SBF2: variants seen among roughly 807,000 people sequenced by gnomAD.
SBF2 encodes the protein myotubularin-related protein 13.
A neutral mutation model predicts 225.2 loss-of-function variants in SBF2; 112 were observed. The ratio of observed to expected loss-of-function variants is 0.50; its 90% CI spans 0.43 to 0.58. The LOEUF is 0.58. SBF2 is among the 20% of genes least tolerant of loss of function. The pLI is 0.00. For synonymous variants in SBF2, 763 were observed against 773.3 expected (o/e 0.99, Z 0.22); for missense variants, 1,996 against 2,206.2 (o/e 0.90, Z 1.91).
chr11:9,791,913 G>GTAAT (rs1213113620), intron 33 of SBF2, among the ~76,000 whole-genome samples: 2 of 152,170 alleles, frequency 1.3e-5, no homozygotes, highest in African/African-American at 2.4e-5. Flanking sequence ...GTAACATCTT[G>GTAAT]TAATTGGAAC....
intron 25 of SBF2, among the ~76,000 whole-genome samples, chr11:9,841,529 A>C (rs1425842559): frequency 3.2e-5 from 3 of 92,630 alleles, no homozygotes; most frequent in Non-Finnish European, 6.9e-5. Context: ...AAAACCACAT[A>C]GGTTCTTTTT....
At chr11:9,905,641 T>A in intron 16 of SBF2, among the ~76,000 whole-genome samples, 1 of 152,226 alleles carries the variant, frequency 6.6e-6, no homozygotes, top group South Asian at 2.1e-4. Flanking sequence ...TGTTCTTTTA[T>A]GATGTCTCTG....
chr11:10,238,102 A>G (rs189880192), intron 1 of SBF2, among the ~76,000 whole-genome samples: 1 of 152,286 alleles, frequency 6.6e-6, no homozygotes, highest in Admixed American at 6.5e-5. Context: ...GAAAGAATAA[A>G]AGGATTCAAA....
In SBF2 at chr11:10,031,101, C is replaced by T. The variant is rs201036502; in HGVS notation, c.349G>A (p.Ala117Thr). 2 of 1,613,394 alleles carry T rather than the reference C, an allele frequency of 1.2e-6. No homozygotes were observed. Among genetic ancestry groups the T allele is most frequent in the African/African-American group, 2.7e-5 (2 of 74,890 alleles). ...GATACCAACACCAGGCTTTTGGGAG[C>T]AAACACTTCTGCAGGCTGAATTAAA... ...SGLIQPAEVF[A>T]PKSLVLVSRL... Residue 117 changes from alanine to threonine, a missense_variant, in exon 4 of 40, where the codon GCT becomes ACT. Transcript: ENST00000256190.
chr11:10,004,591 A>AAAC (rs1218033308), intron 6 of SBF2, among the ~76,000 whole-genome samples: 4 of 149,164 alleles, frequency 2.7e-5, no homozygotes, highest in Non-Finnish European at 4.5e-5. Context: ...AAAAAAAAAA[A>AAAC]AAAACAAACT....
chr11:10,042,415 C>T (rs148207421), intron 3 of SBF2, among the ~76,000 whole-genome samples: 1 of 152,164 alleles, frequency 6.6e-6, no homozygotes, highest in East Asian at 1.9e-4. Context: ...GTTGATAATA[C>T]CACCCCTAAG....
At chr11:9,933,429 T>C (rs925411471) in intron 16 of SBF2, among the ~76,000 whole-genome samples, 1 of 152,208 alleles carries the variant, frequency 6.6e-6, no homozygotes, top group Admixed American at 6.5e-5. Context: ...CCTCAGCAAA[T>C]GTAAAAGAAC....
At chr11:10,198,604 G>C (rs900623021) in intron 1 of SBF2, among the ~76,000 whole-genome samples, 2 of 152,194 alleles carry the variant, frequency 1.3e-5, no homozygotes, top group East Asian at 3.8e-4. Context: ...CCTGTTCTTT[G>C]AAGCCAAGCA....
intron 29 of SBF2, among the ~76,000 whole-genome samples, chr11:9,813,990 A>C (rs1854330478): frequency 6.6e-6 from 1 of 152,152 alleles, no homozygotes. Context: ...GTTCATTTCT[A>C]TCTTTGGGAT....
Position 9,853,975 on chromosome 11 carries a change from C to T in SBF2, c.2364-263G>A, listed in dbSNP as rs965391659. Among the ~76,000 whole-genome samples, 3 of 152,092 alleles carry T rather than the reference C, an allele frequency of 2.0e-5. No homozygotes were observed. The East Asian group carries it at 5.8e-4, about 29-fold the overall frequency. On this transcript the variant is annotated intron_variant, in intron 19 of 39. Coordinates refer to ENST00000256190, the MANE Select transcript of SBF2 (RefSeq NM_030962.4). ...CCAGATTTGTTTCTGTAAGGAATAC[C>T]TTTAGTCACTCTCCCAAAAGGAATG...
chr11:10,062,489 A>G (rs999500544), intron 2 of SBF2, among the ~76,000 whole-genome samples: 2 of 152,200 alleles, frequency 1.3e-5, no homozygotes, highest in African/African-American at 4.8e-5. Flanking sequence ...AAACAAATTT[A>G]TAAGAGAAGA....
chr11:10,107,575 G>C (rs1952609018), intron 2 of SBF2, among the ~76,000 whole-genome samples: 1 of 152,030 alleles, frequency 6.6e-6, no homozygotes, highest in South Asian at 2.1e-4. Context: ...TCAAAGTGTT[G>C]GCAGGATTGG....
At chr11:10,105,884 G>C (rs7131546) in intron 2 of SBF2, among the ~76,000 whole-genome samples, 16,600 of 152,260 alleles carry the variant, frequency 0.11, 1,054 homozygotes, top group Non-Finnish European at 0.12. Context: ...GCTGACAGAG[G>C]GAGGTGCATG....
At chr11:9,883,490 T>C (rs549023181) in intron 17 of SBF2, among the ~76,000 whole-genome samples, 81 of 152,282 alleles carry the variant, frequency 5.3e-4, no homozygotes, top group African/African-American at 1.7e-3. Flanking sequence ...GGTTCTGAAA[T>C]CAGACTAACT....
At chr11:9,997,480 T>C (rs1040103472) in intron 9 of SBF2, among the ~76,000 whole-genome samples, 3 of 152,192 alleles carry the variant, frequency 2.0e-5, no homozygotes, top group African/African-American at 7.2e-5. Context: ...TCATATGGCA[T>C]TAAGAATGGA....
chr11:9,817,722 T>C (rs1854525883), intron 28 of SBF2, among the ~76,000 whole-genome samples: 1 of 120,366 alleles, frequency 8.3e-6, no homozygotes, highest in Admixed American at 1.1e-4. Flanking sequence ...CTGGGCAACA[T>C]GGTGAAACCC....
At chr11:10,005,319 CAT>C (rs1412373518) in intron 6 of SBF2, among the ~76,000 whole-genome samples, 1 of 152,188 alleles carries the variant, frequency 6.6e-6, no homozygotes, top group African/African-American at 2.4e-5. Flanking sequence ...ACACACTGCA[CAT>C]GTGCCCCCTA....
chr11:10,029,717 A>AG, intron 5 of SBF2, 48 bp downstream of exon 5: 2 of 1,119,312 alleles, frequency 1.8e-6, no homozygotes, highest in Non-Finnish European at 2.7e-6. Context: ...ACTGGAGGAG[A>AG]GGGGAAGAGG....
intron 2 of SBF2, among the ~76,000 whole-genome samples, chr11:10,123,095 T>C (rs1953556851): frequency 6.6e-6 from 1 of 152,096 alleles, no homozygotes; most frequent in African/African-American, 2.4e-5. Context: ...ACCACTCCAA[T>C]CACCTGGCTC....
Sources: gnomAD v4.1 joint callset for allele counts (sites outside exome capture counted in the v4.1 genomes callset) on GRCh38, gnomAD v4.1.1 for gene constraint, MANE v1.5 for transcripts, NCBI Gene and HGNC (gene_info 2026-07-23, HGNC 2026-07-21) for gene names.